The following CRACR2A variants were observed in gnomAD, a reference collection of about 807,000 sequenced individuals.
CRACR2A encodes the protein EF-hand calcium-binding domain-containing protein 4B.
CRACR2A carries 79 observed loss-of-function variants against 90.5 expected under a neutral mutation model. The ratio of observed to expected loss-of-function variants is 0.87; its 90% confidence interval spans 0.73 to 1.05. The LOEUF (loss-of-function observed/expected upper bound fraction) is 1.05, where lower values mean the gene tolerates loss of function less well. CRACR2A is among the 50% of genes least tolerant of loss of function. CRACR2A has a pLI of 0.00. For synonymous variants in CRACR2A, 338 were observed against 356.7 expected (o/e 0.95, Z 0.59); for missense variants, 823 against 897.2 (o/e 0.92, Z 1.06).
chr12:3,626,983 G>A (rs1354388663), intron 17 of CRACR2A, among the ~76,000 whole-genome samples: 2 of 152,214 alleles, frequency 1.3e-5, no homozygotes, highest in South Asian at 4.2e-4. Context: ...TGTGGCTCCC[G>A]GGCAGGGCAT....
chr12:3,680,061 G>A (rs980271566), intron 5 of CRACR2A, among the ~76,000 whole-genome samples, 177 bp downstream of exon 5: 5 of 152,186 alleles, frequency 3.3e-5, no homozygotes, highest in African/African-American at 4.8e-5. Flanking sequence ...AGTTGAGACG[G>A]GCATGTGAGG....
At chr12:3,636,828 G>A (rs1944462194) in intron 14 of CRACR2A, among the ~76,000 whole-genome samples, 1 of 152,182 alleles carries the variant, frequency 6.6e-6, no homozygotes, top group South Asian at 2.1e-4. Flanking sequence ...TCTTAATCCT[G>A]GCCTGAGAAT....
intron 7 of CRACR2A, among the ~76,000 whole-genome samples, chr12:3,663,974 T>A (rs1945083923): frequency 6.6e-6 from 1 of 152,236 alleles, no homozygotes; most frequent in Non-Finnish European, 1.5e-5. Context: ...GATTTTGTGT[T>A]TGCTATTTCT....
At chr12:3,720,182 CGGGAGGGAGGGGGA>C (rs1565500924) in intron 2 of CRACR2A, among the ~76,000 whole-genome samples, 1 of 45,936 alleles carries the variant, frequency 2.2e-5, no homozygotes, top group African/African-American at 9.0e-5. Context: ...GAAGGGAGGG[CGGGAGGGAGGGGGA>C]GGGAGGGAGG....
At chr12:3,698,177 TG>T (rs1945775039) in intron 3 of CRACR2A, among the ~76,000 whole-genome samples, 1 of 152,218 alleles carries the variant, frequency 6.6e-6, no homozygotes, top group Non-Finnish European at 1.5e-5. Flanking sequence ...ATAACATCCT[TG>T]GATTTTTTTT....
At chr12:3,732,695 G>A (rs916727057) in intron 2 of CRACR2A, 12 of 152,222 alleles carry the variant, frequency 7.9e-5, no homozygotes, top group African/African-American at 2.7e-4. Flanking sequence ...CAGACCCTGT[G>A]GGATGTTGAG....
At chr12:3,688,313 T>C (rs1945600059) in intron 4 of CRACR2A, among the ~76,000 whole-genome samples, 1 of 152,388 alleles carries the variant, frequency 6.6e-6, no homozygotes, top group South Asian at 2.1e-4. Flanking sequence ...AGGGTTTTTA[T>C]AGTTTTGGGC....
intron 5 of CRACR2A, among the ~76,000 whole-genome samples, chr12:3,679,739 C>A (rs1426525879): frequency 6.6e-6 from 1 of 152,182 alleles, no homozygotes; most frequent in Non-Finnish European, 1.5e-5. Context: ...GTTCATAGAT[C>A]TCGATTCTTC....
intron 1 of CRACR2A, among the ~76,000 whole-genome samples, chr12:3,734,661 A>G (rs10774165): frequency 0.27 from 41,038 of 150,012 alleles, 6,368 homozygotes; most frequent in African/African-American, 0.44. Flanking sequence ...GTGCATATAC[A>G]TAATAGAATA....
intron 14 of CRACR2A, among the ~76,000 whole-genome samples, chr12:3,636,228 T>G (rs1191682181): frequency 1.3e-5 from 2 of 152,232 alleles, no homozygotes; most frequent in African/African-American, 2.4e-5. Context: ...CCAAATGGGT[T>G]TCCAGAAGGG....
intron 4 of CRACR2A, among the ~76,000 whole-genome samples, chr12:3,696,334 A>G (rs1055522730): frequency 6.6e-6 from 1 of 152,260 alleles, no homozygotes; most frequent in Non-Finnish European, 1.5e-5. Flanking sequence ...TTGGGTTTGA[A>G]GGCGAGACAT....
intron 2 of CRACR2A, 51 bp downstream of exon 2, chr12:3,732,888 TCTC>T (rs1464458648): frequency 2.0e-5 from 3 of 152,352 alleles, no homozygotes; most frequent in Admixed American, 2.0e-4. Context: ...GGCCCAGCCT[TCTC>T]ACAGGCGGCT....
chr12:3,722,285 A>G (rs1054028522), intron 2 of CRACR2A, among the ~76,000 whole-genome samples: 1 of 152,228 alleles, frequency 6.6e-6, no homozygotes, highest in African/African-American at 2.4e-5. Context: ...TAGGGAGTTC[A>G]TATGGAATAT....
At position 3,644,587 on chromosome 12, in the gene CRACR2A, C is replaced by T. The variant is rs1395177166; in HGVS notation, c.1164+8G>A. 1.7e-5 allele frequency: 26 copies of T among 1,551,100 alleles called. No individual in the cohort carries two copies. The highest frequency in any genetic ancestry group is 4.1e-5 in the African/African-American group (3 of 73,024). ...TCCCCCACAGGTAAGGGAGAACTGGCCAATTACCTGAAAACATATGTCCCG... is the reference window on the plus strand; with the variant it reads ...TCCCCCACAGGTAAGGGAGAACTGGTCAATTACCTGAAAACATATGTCCCG... On this transcript the variant is annotated splice_region_variant and intron_variant, in intron 12 of 19. Transcript: ENST00000440314.
At chr12:3,751,606 C>T (rs1182765313) in intron 1 of CRACR2A, among the ~76,000 whole-genome samples, 1 of 152,202 alleles carries the variant, frequency 6.6e-6, no homozygotes, top group South Asian at 2.1e-4. Flanking sequence ...CACGGCTTTG[C>T]TCAGCCGTCC....
At chr12:3,695,942 T>C (rs1945731747) in intron 4 of CRACR2A, among the ~76,000 whole-genome samples, 1 of 152,268 alleles carries the variant, frequency 6.6e-6, no homozygotes, top group Non-Finnish European at 1.5e-5. Flanking sequence ...GCCCCTGGGC[T>C]AAACCAGCAA....
At chr12:3,682,250 T>A (rs928250460) in intron 4 of CRACR2A, among the ~76,000 whole-genome samples, 7 of 152,202 alleles carry the variant, frequency 4.6e-5, no homozygotes, top group African/African-American at 1.7e-4. Flanking sequence ...ATGTGGTCTC[T>A]CGCACTGGGC....
chr12:3,692,680 T>A (rs1259466513), intron 4 of CRACR2A, among the ~76,000 whole-genome samples: 1 of 152,086 alleles, frequency 6.6e-6, no homozygotes, highest in Admixed American at 6.5e-5. Flanking sequence ...GCACACTTAT[T>A]GGCTGCAGCA....
intron 1 of CRACR2A, among the ~76,000 whole-genome samples, chr12:3,734,366 C>T (rs1946414245): frequency 6.6e-6 from 1 of 152,112 alleles, no homozygotes; most frequent in Non-Finnish European, 1.5e-5. Flanking sequence ...AGACACTTTG[C>T]TGGGCTCCCG....
Sources: gnomAD v4.1 joint callset for allele counts (sites outside exome capture counted in the v4.1 genomes callset) on GRCh38, gnomAD v4.1.1 for gene constraint, MANE v1.5 for transcripts, NCBI Gene and HGNC (gene_info 2026-07-23, HGNC 2026-07-21) for gene names.